Variants in NHS observed in about 807,000 individuals in gnomAD.
The protein encoded by NHS is NHS actin remodeling regulator, also known as actin remodeling regulator NHS.
Under a neutral mutation model 72.5 loss-of-function variants are expected in NHS, and 5 were observed. The ratio of observed to expected loss-of-function variants is 0.07; its 90% CI spans 0.04 to 0.14. The LOEUF is 0.14. NHS is among the 10% of genes least tolerant of loss of function. The probability of loss-of-function intolerance (pLI) is 1.00; values close to 1 mark genes in which losing one functional copy is unlikely to be tolerated. For missense variants in NHS, 1,072 were observed against 1,355.7 expected (o/e 0.79, Z 3.29); for synonymous variants, 464 against 547.7 (o/e 0.85, Z 2.13).
At chrX:17,495,071 C>T (rs987172235) in intron 1 of NHS, among the ~76,000 whole-genome samples, 7 of 111,948 alleles carry the variant, frequency 6.3e-5, no homozygotes, top group Non-Finnish European at 1.1e-4. Flanking sequence ...GGCAGGGAAG[C>T]GGAACTGAAG....
chrX:17,429,241 T>TGTGC (rs1462507061), intron 1 of NHS, among the ~76,000 whole-genome samples: 27 of 107,803 alleles, frequency 2.5e-4, no homozygotes, highest in African/African-American at 8.8e-4. Context: ...TGTGTGTGTG[T>TGTGC]GTGTGTGTGT....
chrX:17,691,568 T>C (rs1241347604), intron 2 of NHS, among the ~76,000 whole-genome samples: 1 of 111,064 alleles, frequency 9.0e-6, no homozygotes, highest in Admixed American at 9.6e-5. Flanking sequence ...AAGTCAGACA[T>C]GGATAGAATC....
At chrX:17,379,414 T>G (rs2064363970) in intron 1 of NHS, among the ~76,000 whole-genome samples, 2 of 110,812 alleles carry the variant, frequency 1.8e-5, no homozygotes, top group Non-Finnish European at 3.8e-5. Context: ...TGGGTACAGG[T>G]TGTGGAAAAA....
intron 3 of NHS, among the ~76,000 whole-genome samples, chrX:17,711,179 G>C (rs1221729847): frequency 8.9e-6 from 1 of 112,258 alleles, no homozygotes; most frequent in Non-Finnish European, 1.9e-5. Flanking sequence ...AGGGTTGATG[G>C]AACTGAGTGG....
At chrX:17,675,616 C>A (rs2066074938) in intron 1 of NHS, among the ~76,000 whole-genome samples, 1 of 111,643 alleles carries the variant, frequency 9.0e-6, no homozygotes, top group South Asian at 3.7e-4. Context: ...ACGTAGGACA[C>A]CTCCCTTGAC....
chrX:17,499,035 C>T (rs2065026001), intron 1 of NHS, among the ~76,000 whole-genome samples: 1 of 111,845 alleles, frequency 8.9e-6, no homozygotes, highest in Non-Finnish European at 1.9e-5. Flanking sequence ...AAATGCCATG[C>T]CATGAAGTTG....
intron 1 of NHS, among the ~76,000 whole-genome samples, chrX:17,541,014 A>T (rs749191511): frequency 8.9e-6 from 1 of 111,920 alleles, no homozygotes; most frequent in South Asian, 3.7e-4. Context: ...AGAGGTTTCA[A>T]TGAGCCAAGA....
At chrX:17,469,813 G>A (rs868575629) in intron 1 of NHS, among the ~76,000 whole-genome samples, 5 of 111,095 alleles carry the variant, frequency 4.5e-5, no homozygotes, top group Non-Finnish European at 9.4e-5. Flanking sequence ...GCCAATTTTT[G>A]TATTTTTAGT....
chrX:17,687,676 C>A lies in NHS; in HGVS notation c.566-66C>A, dbSNP rs780014924. 7 of 1,171,093 alleles carry A rather than the reference C, an allele frequency of 6.0e-6. No homozygotes were observed. In the South Asian group the frequency reaches 1.3e-4, roughly 21 times the overall value. On this transcript the variant is annotated intron_variant, in intron 1 of 8. Coordinates refer to ENST00000676302, the MANE Select transcript of NHS (RefSeq NM_001291867.2). ...ACTTTACTCCTGTCCTCTTCCCCAC[C>A]CCAGGGTTGGCCAAAAGCACAACTT...
In NHS at chrX:17,726,389, C is replaced by T. The variant is rs916715018; in HGVS notation, c.2283C>T (p.Ser761=). 2 of 1,210,786 alleles carry T rather than the reference C, an allele frequency of 1.7e-6. No homozygotes were observed. The highest frequency in any genetic ancestry group is 2.2e-6 in the Non-Finnish European group (2 of 895,388). ...PSFTSMATYD[S]FLEKSPSDKA... is the part of the protein sequence containing the mutation. ...TCACAAGCATGGCCACTTATGACAG[C>T]TTTCTGGAAAAGTCTCCATCAGACA... The change falls in exon 7 of 9, where the codon AGC becomes AGT. Residue 761 remains serine, a synonymous_variant. Transcript: ENST00000676302.
At chrX:17,676,346 C>G (rs1045424372) in intron 1 of NHS, among the ~76,000 whole-genome samples, 1 of 111,643 alleles carries the variant, frequency 9.0e-6, no homozygotes, top group Non-Finnish European at 1.9e-5. Context: ...ACATGTCATA[C>G]TCATCTTCAT....
intron 1 of NHS, among the ~76,000 whole-genome samples, chrX:17,470,333 G>A (rs2064887195): frequency 9.0e-6 from 1 of 111,065 alleles, no homozygotes; most frequent in Admixed American, 9.6e-5. Flanking sequence ...CTCACAGACT[G>A]TCAAGGGCCT....
rs766322736 is a variant in NHS, at chrX:17,490,560, A to G, written c.565+114238A>G. Among the ~76,000 whole-genome samples the G allele has an allele frequency of 3.6e-5, 4 of 112,394 alleles. No individual in the cohort carries two copies. The South Asian group carries it at 1.1e-3, about 31-fold the overall frequency. Reference sequence around the variant, plus strand: ...GTATAGTTTGAAGTCAGGTAGCATGATGCCTCCAGCTTTGTTCTTTTTCTT... The same window carrying G: ...GTATAGTTTGAAGTCAGGTAGCATGGTGCCTCCAGCTTTGTTCTTTTTCTT... On this transcript the variant is annotated intron_variant, in intron 1 of 8. Coordinates refer to ENST00000676302, the MANE Select transcript of NHS (RefSeq NM_001291867.2).
chrX:17,536,766 A>G (rs998909553), intron 1 of NHS, among the ~76,000 whole-genome samples: 23 of 112,443 alleles, frequency 2.0e-4, no homozygotes, highest in Admixed American at 2.0e-3. Flanking sequence ...ACACGTAGGA[A>G]ACTTTCTATA....
rs56271300 is a variant in NHS, at chrX:17,673,177, A to AACACACACAC, written c.566-14513_566-14504dup. On this transcript the variant is annotated intron_variant, in intron 1 of 8. Coordinates refer to ENST00000676302, the MANE Select transcript of NHS (RefSeq NM_001291867.2). ...AGACCATTGCTTAGCTGGAAGATGA[A>AACACACACAC]ACACACACACACACACACACACACA... Among the ~76,000 whole-genome samples the AACACACACAC allele has an allele frequency of 2.3e-3, 148 of 65,520 alleles. 2 individuals carry two copies. Among genetic ancestry groups the AACACACACAC allele is most frequent in the African/African-American group, 3.6e-3 (64 of 17,614 alleles). The allele number at this position is 65,520 out of a possible 115,157, so 56.9% of individuals were successfully genotyped here. A position where few individuals can be genotyped will look rare whatever the true frequency, so the allele number is the denominator to read the frequency against.
Position 17,724,410 on chromosome X carries a change from G to T in NHS, c.1220G>T (p.Arg407Ile). 6 of 1,211,790 alleles carry T rather than the reference G, an allele frequency of 5.0e-6. No individual in the cohort carries two copies. Among genetic ancestry groups the T allele is most frequent in the Non-Finnish European group, 5.6e-6 (5 of 895,535 alleles). The change falls in exon 6 of 9, where the codon AGA becomes ATA. Residue 407 changes from arginine (R) to isoleucine (I), a missense_variant. Coordinates refer to ENST00000676302, the MANE Select transcript of NHS (RefSeq NM_001291867.2). ...RRRKTISGIP[R>I]RVQQEIDSDE... is the part of the protein sequence containing the mutation. Reference sequence around the variant, plus strand: ...AGGAAAACCATCTCGGGTATCCCCAGAAGAGTTCAACAAGAAATAGGTGTG... The same window carrying T: ...AGGAAAACCATCTCGGGTATCCCCATAAGAGTTCAACAAGAAATAGGTGTG...
chrX:17,625,166 G>T (rs1363749931), intron 1 of NHS, among the ~76,000 whole-genome samples: 2 of 111,136 alleles, frequency 1.8e-5, no homozygotes, highest in Non-Finnish European at 3.8e-5. Context: ...GAGAAGAATG[G>T]CTTTCTTGTA....
chrX:17,666,523 C>T (rs1268414964), intron 1 of NHS, among the ~76,000 whole-genome samples: 2 of 112,744 alleles, frequency 1.8e-5, no homozygotes, highest in African/African-American at 6.4e-5. Context: ...GGACATCCAG[C>T]TCCTCTGGGA....
chrX:17,376,976 G>A (rs2064350270), intron 1 of NHS, among the ~76,000 whole-genome samples: 1 of 112,866 alleles, frequency 8.9e-6, no homozygotes, highest in Admixed American at 9.2e-5. Context: ...GCCGCGGGGA[G>A]GGTCAGGGAG....
Sources: gnomAD v4.1 joint callset for allele counts (sites outside exome capture counted in the v4.1 genomes callset) on GRCh38, gnomAD v4.1.1 for gene constraint, MANE v1.5 for transcripts, NCBI Gene and HGNC (gene_info 2026-07-23, HGNC 2026-07-21) for gene names.